CPEB4: variants seen among roughly 807,000 people sequenced by gnomAD.
CPEB4 encodes cytoplasmic polyadenylation element binding protein 4, also known as cytoplasmic polyadenylation element-binding protein 4.
CPEB4 carries 12 observed loss-of-function variants against 72.5 expected under a neutral mutation model. That is an observed-to-expected ratio of 0.17 (90% CI 0.11 to 0.27). The LOEUF (loss-of-function observed/expected upper bound fraction) is 0.27, where lower values mean the gene tolerates loss of function less well. CPEB4 is among the 10% of genes least tolerant of loss of function. The pLI, the probability that CPEB4 is intolerant of heterozygous loss-of-function variation, is 1.00. For synonymous variants in CPEB4, 302 were observed against 326.3 expected, an observed-to-expected ratio of 0.93 and a Z score of 0.80; for missense variants, 614 against 908.5, an observed-to-expected ratio of 0.68 and a Z score of 4.17.
In CPEB4 at chr5:173,959,067, T is replaced by C. The variant is rs1431179682; in HGVS notation, c.*2930T>C. ...TATTACTCTGAACTTTATGATTACATGTTCTTCAGATTACATGGGATTGTA... is the reference window on the plus strand; with the variant it reads ...TATTACTCTGAACTTTATGATTACACGTTCTTCAGATTACATGGGATTGTA... On this transcript the variant is annotated 3_prime_UTR_variant, in exon 10 of 10. Transcript: ENST00000265085. 1 of 152,798 alleles carries C rather than the reference T, an allele frequency of 6.5e-6. No homozygotes were observed. Among genetic ancestry groups the C allele is most frequent in the Admixed American group, 6.5e-5 (1 of 15,278 alleles). 9.5% of individuals were successfully genotyped at this position (152,798 alleles called of 1,614,324 possible). A position where few individuals can be genotyped will look rare whatever the true frequency, so the allele number is the denominator to read the frequency against.
intron 4 of CPEB4, among the ~76,000 whole-genome samples, chr5:173,943,464 T>C (rs1239760700): frequency 6.6e-6 from 1 of 152,186 alleles, no homozygotes; most frequent in African/African-American, 2.4e-5. Flanking sequence ...CTTTTTTCTT[T>C]TCTTTTTTAC....
intron 2 of CPEB4, among the ~76,000 whole-genome samples, chr5:173,915,386 G>A (rs1412883983): frequency 6.6e-6 from 1 of 152,016 alleles, no homozygotes; most frequent in East Asian, 1.9e-4. Flanking sequence ...CTCTTTGTGC[G>A]GTGGGGAAAG....
chr5:173,947,267 G>A (rs75122266), intron 5 of CPEB4, among the ~76,000 whole-genome samples: 2,900 of 152,208 alleles, frequency 0.019, 49 homozygotes, highest in Non-Finnish European at 0.033. Flanking sequence ...ATGTGGTCAG[G>A]TCTTCCTTGT....
chr5:173,924,056 T>C (rs1234751587), intron 2 of CPEB4, among the ~76,000 whole-genome samples: 2 of 152,182 alleles, frequency 1.3e-5, no homozygotes, highest in East Asian at 3.8e-4. Flanking sequence ...CCCCGAGTTG[T>C]AGTCAAAGCA....
chr5:173,956,196 T>A lies in CPEB4; in HGVS notation c.*59T>A. On this transcript the variant is annotated 3_prime_UTR_variant, in exon 10 of 10. Transcript: ENST00000265085. ...AATAAGTGCACTCTTCTGTTCATTC[T>A]GACCCCTTCCTCAACCTCTTCACGC... The A allele has an allele frequency of 7.4e-7, 1 of 1,360,272 alleles. No homozygotes were observed. Among genetic ancestry groups the A allele is most frequent in the African/African-American group, 1.4e-5 (1 of 70,344 alleles). The allele number at this position is 1,360,272 out of a possible 1,614,324, so 84.3% of individuals were successfully genotyped here. A position where few individuals can be genotyped will look rare whatever the true frequency, so the allele number is the denominator to read the frequency against.
chr5:173,903,554 G>C (rs2113152984), intron 1 of CPEB4, among the ~76,000 whole-genome samples: 1 of 152,306 alleles, frequency 6.6e-6, no homozygotes, highest in South Asian at 2.1e-4. Context: ...GATGGACCCA[G>C]TAATCTGTAT....
chr5:173,947,986 G>A (rs958901983), intron 5 of CPEB4, among the ~76,000 whole-genome samples: 4 of 152,072 alleles, frequency 2.6e-5, no homozygotes, highest in Non-Finnish European at 5.9e-5. Context: ...AGCCTCCCAC[G>A]CCTAAGGGAC....
At chr5:173,894,641 C>CT (rs1250902256) in intron 1 of CPEB4, among the ~76,000 whole-genome samples, 1 of 146,904 alleles carries the variant, frequency 6.8e-6, no homozygotes, top group African/African-American at 2.6e-5. Flanking sequence ...AAAAAAAAAT[C>CT]TAACATGCCT....
intron 3 of CPEB4, 68 bp downstream of exon 3, chr5:173,932,568 G>A: frequency 8.5e-7 from 1 of 1,182,388 alleles, no homozygotes; most frequent in Non-Finnish European, 1.2e-6. Context: ...TTCAGCAGTG[G>A]AGAAATGACA....
intron 4 of CPEB4, among the ~76,000 whole-genome samples, chr5:173,943,675 T>A (rs1431462479): frequency 2.6e-5 from 4 of 152,168 alleles, no homozygotes; most frequent in Non-Finnish European, 5.9e-5. Flanking sequence ...TAGCTTAGAT[T>A]TAAAGGATAA....
At chr5:173,940,547 G>A (rs1190734654) in intron 3 of CPEB4, among the ~76,000 whole-genome samples, 2 of 152,188 alleles carry the variant, frequency 1.3e-5, no homozygotes, top group African/African-American at 4.8e-5. Context: ...GTAAGATAAA[G>A]TGGCGTTATT....
At position 173,926,525 on chromosome 5, in the gene CPEB4, G is replaced by A. The variant is rs150462024; in HGVS notation, c.1208-5925G>A. Reference sequence around the variant, plus strand: ...GGATTTGGTAGTGTAGATCCCCAGAGTCACACTGTATCTGTTGCCTATATT... The same window carrying A: ...GGATTTGGTAGTGTAGATCCCCAGAATCACACTGTATCTGTTGCCTATATT... On this transcript the variant is annotated intron_variant, in intron 2 of 9. Coordinates refer to ENST00000265085, the MANE Select transcript of CPEB4 (RefSeq NM_030627.4). 2.5e-3 allele frequency among the ~76,000 whole-genome samples: 376 copies of A among 151,854 alleles called. 2 individuals are homozygous for A. Among genetic ancestry groups the A allele is most frequent in the African/African-American group, 8.6e-3 (354 of 41,324 alleles).
Position 173,956,058 on chromosome 5 carries a change from G to A in CPEB4, c.2111G>A (p.Arg704His), listed in dbSNP as rs1473566319. The change falls in exon 10 of 10, where the codon CGT becomes CAT. Residue 704 changes from arginine to histidine, a missense_variant. Arg to His is a conservative substitution (Grantham distance 29). Coordinates refer to ENST00000265085, the MANE Select transcript of CPEB4 (RefSeq NM_030627.4). ...TATTGCTGGGCTGCTATCCATTCTC[G>A]TGCTGGCAGGGAATTCCACAAGCCC... ...CEYCWAAIHS[R>H]AGREFHKPLV... The A allele has an allele frequency of 5.6e-6, 9 of 1,613,944 alleles. No homozygotes were observed. Among genetic ancestry groups the A allele is most frequent in the Admixed American group, 1.7e-5 (1 of 59,974 alleles).
In CPEB4 at chr5:173,898,653, G is replaced by T. The variant is rs555872980; in HGVS notation, c.1125+7795G>T. Among the ~76,000 whole-genome samples, 3 of 152,334 alleles carry T rather than the reference G, an allele frequency of 2.0e-5. No homozygotes were observed. In the South Asian group the frequency reaches 6.2e-4, roughly 32 times the overall value. ...AATTTCTTAAAATCTGAAAACCCGT[G>T]TGTAACTGGTGTGTGATAATTTGAA... On this transcript the variant is annotated intron_variant, in intron 1 of 9. Transcript: ENST00000265085.
At chr5:173,892,914 T>C (rs1422156961) in intron 1 of CPEB4, 1 of 152,104 alleles carries the variant, frequency 6.6e-6, no homozygotes, top group Non-Finnish European at 1.5e-5. Flanking sequence ...GGGAAAAGGA[T>C]GGTCAGTGTA....
chr5:173,888,413 T>TGGCGGCGGC lies in CPEB4; in HGVS notation c.-1311_-1303dup, dbSNP rs547833435. The TGGCGGCGGC allele has an allele frequency of 4.6e-4, 204 of 443,918 alleles. 5 individuals carry two copies. The South Asian group carries it at 1.0e-2, about 22-fold the overall frequency. 27.5% of individuals were successfully genotyped at this position (443,918 alleles called of 1,614,324 possible). A position where few individuals can be genotyped will look rare whatever the true frequency, so the allele number is the denominator to read the frequency against. On this transcript the variant is annotated 5_prime_UTR_variant, in exon 1 of 10. Coordinates refer to ENST00000265085, the MANE Select transcript of CPEB4 (RefSeq NM_030627.4). This position sits in a 1 kb window ranked among gnomAD's most constrained non-coding sequence, Gnocchi z 4.3. ...GCGGGACCCGGGCACCGGGAGGCGG[T>TGGCGGCGGC]GGCGGCGGCGGCGGCGGCAGCAGCG...
At chr5:173,916,167 T>G (rs1299266469) in intron 2 of CPEB4, among the ~76,000 whole-genome samples, 1 of 152,232 alleles carries the variant, frequency 6.6e-6, no homozygotes, top group African/African-American at 2.4e-5. Context: ...ACATTATAGT[T>G]GTTCTTCAGA....
intron 2 of CPEB4, among the ~76,000 whole-genome samples, chr5:173,923,269 G>C (rs535536855): frequency 6.0e-4 from 92 of 152,274 alleles, no homozygotes; most frequent in African/African-American, 2.1e-3. Flanking sequence ...TTTTATCAGT[G>C]TAGTAGCATT....
intron 1 of CPEB4, 129 bp downstream of exon 1, chr5:173,890,987 C>A: frequency 1.1e-6 from 1 of 892,008 alleles, no homozygotes. Flanking sequence ...GAATCAATAA[C>A]CAGACTTTAT....
Sources: gnomAD v4.1 joint callset for allele counts (sites outside exome capture counted in the v4.1 genomes callset) on GRCh38, gnomAD v4.1.1 for gene constraint, Gnocchi (gnomAD v3.1) non-coding constraint, MANE v1.5 for transcripts, NCBI Gene and HGNC (gene_info 2026-07-23, HGNC 2026-07-21) for gene names.